Variants in ARSF observed in about 807,000 individuals in gnomAD.
ARSF encodes arylsulfatase F.
ARSF carries 33 observed loss-of-function variants against 35.4 expected under a neutral mutation model. That is an observed-to-expected ratio of 0.93 (90% CI 0.71 to 1.25). The LOEUF is 1.25. Ranked by LOEUF, ARSF falls within the 50% of genes most tolerant of loss-of-function variation. The pLI, the probability that ARSF is intolerant of heterozygous loss-of-function variation, is 0.00. For synonymous variants in ARSF, 222 were observed against 193.1 expected, an observed-to-expected ratio of 1.15 and a Z score of -1.24; for missense variants, 501 against 480.2, an observed-to-expected ratio of 1.04 and a Z score of -0.40.
At chrX:3,102,644 T>G (rs1328714234) in intron 8 of ARSF, among the ~76,000 whole-genome samples, 2 of 112,304 alleles carry the variant, frequency 1.8e-5, no homozygotes, top group Non-Finnish European at 3.8e-5. Context: ...TTAAAAATTT[T>G]TGGCTCATGC....
chrX:3,068,019 A>AATTT, intron 1 of ARSF, 54 bp from the exon 2 acceptor site: 2 of 752,426 alleles, frequency 2.7e-6, no homozygotes, highest in South Asian at 5.5e-5. Flanking sequence ...CATGAATGAT[A>AATTT]CTTTTTTTTT....
intron 1 of ARSF, among the ~76,000 whole-genome samples, chrX:3,054,183 G>A (rs2090008425): frequency 9.0e-6 from 1 of 111,469 alleles, no homozygotes; most frequent in South Asian, 3.8e-4. Flanking sequence ...TATTGATATT[G>A]AAACACAAGC....
intron 7 of ARSF, among the ~76,000 whole-genome samples, chrX:3,093,686 G>C (rs5939163): frequency 0.063 from 7,004 of 111,407 alleles, 179 homozygotes; most frequent in Admixed American, 0.11. Context: ...ATTGTGAATA[G>C]TATGATAATC....
At chrX:3,059,496 C>A (rs2090033003) in intron 1 of ARSF, among the ~76,000 whole-genome samples, 1 of 112,413 alleles carries the variant, frequency 8.9e-6, no homozygotes, top group African/African-American at 3.2e-5. Flanking sequence ...AGGGCATTGC[C>A]TCACCTGGGA....
intron 3 of ARSF, among the ~76,000 whole-genome samples, chrX:3,075,805 CT>C (rs1274863397): frequency 2.8e-5 from 3 of 108,167 alleles, no homozygotes; most frequent in Non-Finnish European, 3.8e-5. Context: ...CTTTCTGTGT[CT>C]TTCTCTCTTT....
intron 3 of ARSF, among the ~76,000 whole-genome samples, chrX:3,072,944 T>A (rs2090116013): frequency 9.8e-6 from 1 of 102,170 alleles, no homozygotes. Context: ...ATATTACTAA[T>A]ATATATGAAT....
intron 3 of ARSF, among the ~76,000 whole-genome samples, chrX:3,075,901 GTA>G (rs2090144350): frequency 4.2e-5 from 1 of 23,613 alleles, no homozygotes; most frequent in Non-Finnish European, 8.2e-5. Flanking sequence ...CTCTCTCTCT[GTA>G]TCTCTCTCTG....
rs2090393787 is a variant in ARSF at position 3,103,616 on chromosome X, C to T, written c.1103-146C>T. ...AGGAAAATATAATTCTGTAGACGTG[C>T]ACTACTTACCCCACTAGGACTCTAC... On this transcript the variant is annotated intron_variant, in intron 8 of 10. Transcript: ENST00000381127. The T allele has an allele frequency of 1.3e-5, 8 of 596,059 alleles. No individual in the cohort carries two copies. The East Asian group carries it at 3.0e-4, about 22-fold the overall frequency. The allele number at this position is 596,059 out of a possible 1,213,427, so 49.1% of individuals were successfully genotyped here.
intron 8 of ARSF, among the ~76,000 whole-genome samples, chrX:3,102,866 A>C (rs760791132): frequency 1.2e-4 from 13 of 110,210 alleles, no homozygotes; most frequent in South Asian, 7.9e-4. Flanking sequence ...GAGCCGCGAT[A>C]GCACCACTGC....
intron 1 of ARSF, chrX:3,066,976 T>C (rs568757852): frequency 9.2e-6 from 1 of 108,322 alleles, no homozygotes; most frequent in African/African-American, 3.4e-5. Context: ...TGACCTATTG[T>C]ATTCTGAAAC....
chrX:3,057,927 GACACATGC>G lies in ARSF; in HGVS notation c.-28-10143_-28-10136del, dbSNP rs1171110325. ...TTTCTGAACAATTTGGGTGAAGTCA[GACACATGC>G]ACCTTACCCCGACAACCACTCAATG... is the stretch of plus-strand genomic sequence containing the variant. On this transcript the variant is annotated intron_variant, in intron 1 of 10. Transcript: ENST00000381127. Among the ~76,000 whole-genome samples, 3 of 111,801 alleles carry G rather than the reference GACACATGC, an allele frequency of 2.7e-5. No homozygotes were observed. In the East Asian group the frequency reaches 8.5e-4, roughly 32 times the overall value.
chrX:3,105,273 A>G (rs1409673164), intron 9 of ARSF, among the ~76,000 whole-genome samples: 1 of 111,839 alleles, frequency 8.9e-6, no homozygotes, highest in African/African-American at 3.2e-5. Flanking sequence ...CACATCCCCA[A>G]GTTTGCCTTT....
intron 1 of ARSF, among the ~76,000 whole-genome samples, chrX:3,058,815 C>T (rs1490669156): frequency 1.8e-5 from 2 of 111,687 alleles, no homozygotes; most frequent in African/African-American, 6.5e-5. Context: ...GAGCTCTTAT[C>T]ACACCAGTGC....
chrX:3,068,190 A>G (rs1384432145), intron 2 of ARSF, 79 bp downstream of exon 2: 2 of 960,375 alleles, frequency 2.1e-6, no homozygotes, highest in Non-Finnish European at 2.8e-6. Flanking sequence ...CCAGCCTTAT[A>G]GGTAGAGGCA....
chrX:3,106,842 A>G (rs1257972926), intron 9 of ARSF, among the ~76,000 whole-genome samples: 4 of 111,959 alleles, frequency 3.6e-5, no homozygotes, highest in African/African-American at 1.3e-4. Flanking sequence ...AAGTGTTGGG[A>G]AAAAATGACT....
intron 7 of ARSF, among the ~76,000 whole-genome samples, chrX:3,090,663 C>T (rs1263131999): frequency 2.7e-5 from 3 of 112,525 alleles, no homozygotes; most frequent in Non-Finnish European, 3.8e-5. Context: ...GTGACAGTAG[C>T]TCCCACTTAT....
intron 6 of ARSF, among the ~76,000 whole-genome samples, chrX:3,086,766 C>T (rs184170704): frequency 1.8e-5 from 2 of 111,512 alleles, no homozygotes; most frequent in African/African-American, 6.5e-5. Flanking sequence ...TGCAGTGAGC[C>T]GTGATTGCAC....
intron 6 of ARSF, among the ~76,000 whole-genome samples, chrX:3,088,322 A>T (rs1007585983): frequency 9.0e-6 from 1 of 111,411 alleles, no homozygotes; most frequent in South Asian, 3.8e-4. Flanking sequence ...CACCAAACAG[A>T]GCTGGATTTG....
At position 3,048,914 on chromosome X, in the gene ARSF, G is replaced by C. The variant is rs764426257; in HGVS notation, c.-29+7251G>C. On this transcript the variant is annotated intron_variant, in intron 1 of 10. Transcript: ENST00000381127. ...GTCCCCTTCTACAAGAGCACCCCAG[G>C]TGACATTACTCTTGCAGAATCAAAC... Among the ~76,000 whole-genome samples, 18 of 112,510 alleles carry C rather than the reference G, an allele frequency of 1.6e-4. No homozygotes were observed. The Admixed American group carries it at 1.6e-3, about 10-fold the overall frequency.
Sources: gnomAD v4.1 joint callset for allele counts (sites outside exome capture counted in the v4.1 genomes callset) on GRCh38, gnomAD v4.1.1 for gene constraint, MANE v1.5 for transcripts, NCBI Gene and HGNC (gene_info 2026-07-23, HGNC 2026-07-21) for gene names.